The following SLC2A9 variants were observed in gnomAD, a reference collection of about 807,000 sequenced individuals.
SLC2A9 encodes solute carrier family 2 member 9.
In SLC2A9, 39 loss-of-function variants were observed where a neutral mutation model predicts 50.6. The observed-to-expected ratio is 0.77, with a 90% CI of 0.60 to 1.01. The LOEUF (loss-of-function observed/expected upper bound fraction) is 1.01, where lower values mean the gene tolerates loss of function less well. Ranked by LOEUF, SLC2A9 falls within the 50% of genes least tolerant of loss-of-function variation. The pLI is 0.00. For synonymous variants in SLC2A9, 324 were observed against 276.9 expected, an observed-to-expected ratio of 1.17 and a Z score of -1.69; for missense variants, 686 against 677.6, an observed-to-expected ratio of 1.01 and a Z score of -0.14.
chr4:9,959,395 C>CAAA (rs397973896), intron 5 of SLC2A9, among the ~76,000 whole-genome samples: 74 of 124,880 alleles, frequency 5.9e-4, no homozygotes, highest in Non-Finnish European at 8.9e-4. Flanking sequence ...AACTCTGTCT[C>CAAA]AAAAAAAAAA....
chr4:9,821,779 C>G (rs893677121), downstream of SLC2A9, among the ~76,000 whole-genome samples: 7 of 152,188 alleles, frequency 4.6e-5, no homozygotes, highest in African/African-American at 1.7e-4. Flanking sequence ...AAGCATTTCT[C>G]CCTTTTGAAT....
chr4:9,879,000 T>C (rs1734750689), intron 10 of SLC2A9: 1 of 976,074 alleles, frequency 1.0e-6, no homozygotes, highest in African/African-American at 1.8e-5. Context: ...AGGAACTTAA[T>C]GAGTATGTTT....
intron 2 of SLC2A9, among the ~76,000 whole-genome samples, chr4:10,000,070 C>T (rs1230201803): frequency 6.6e-6 from 1 of 152,018 alleles, no homozygotes; most frequent in Non-Finnish European, 1.5e-5. Context: ...AGGGGAGACA[C>T]CCTCTGCTTG....
intron 5 of SLC2A9, among the ~76,000 whole-genome samples, chr4:9,943,153 G>A (rs2110285019): frequency 6.6e-6 from 1 of 152,248 alleles, no homozygotes; most frequent in East Asian, 1.9e-4. Flanking sequence ...TCCCTACTGA[G>A]GTCCATGGTA....
intron 3 of SLC2A9, among the ~76,000 whole-genome samples, chr4:9,815,534 C>T (rs1340358048): frequency 1.3e-5 from 2 of 152,218 alleles, no homozygotes; most frequent in African/African-American, 4.8e-5. Flanking sequence ...CTTAAAGTTC[C>T]CTGGCCTGTG....
At chr4:9,884,711 C>T (rs903532082) in intron 10 of SLC2A9, among the ~76,000 whole-genome samples, 1 of 152,196 alleles carries the variant, frequency 6.6e-6, no homozygotes, top group African/African-American at 2.4e-5. Flanking sequence ...TATAAAGACA[C>T]ATGCATGCAT....
intron 3 of SLC2A9, among the ~76,000 whole-genome samples, chr4:9,780,305 A>T (rs1299336496): frequency 6.6e-6 from 1 of 152,166 alleles, no homozygotes; most frequent in African/African-American, 2.4e-5. Flanking sequence ...CTGGACAGGG[A>T]TGTCCATGGC....
chr4:9,886,897 C>T (rs1280244237), intron 10 of SLC2A9, among the ~76,000 whole-genome samples: 1 of 152,182 alleles, frequency 6.6e-6, no homozygotes, highest in African/African-American at 2.4e-5. Context: ...GATGGGGAAA[C>T]TGAGGCTAAC....
intron 6 of SLC2A9, among the ~76,000 whole-genome samples, chr4:9,930,156 C>T (rs1017893776): frequency 5.3e-5 from 8 of 152,310 alleles, no homozygotes; most frequent in African/African-American, 1.7e-4. Flanking sequence ...TTCCTCCCTT[C>T]CACCTTTCCT....
At chr4:10,008,100 C>A (rs1327951573) in intron 2 of SLC2A9, among the ~76,000 whole-genome samples, 1 of 152,264 alleles carries the variant, frequency 6.6e-6, no homozygotes, top group Non-Finnish European at 1.5e-5. Context: ...CTATCCCCAG[C>A]TCTCTGGCTG....
intron 3 of SLC2A9, among the ~76,000 whole-genome samples, chr4:9,990,630 A>C (rs1757534951): frequency 6.6e-6 from 1 of 152,092 alleles, no homozygotes; most frequent in South Asian, 2.1e-4. Context: ...TGTAATACCA[A>C]AGGGGTTGTG....
At chr4:9,914,692 C>G in intron 7 of SLC2A9, among the ~76,000 whole-genome samples, 1 of 152,026 alleles carries the variant, frequency 6.6e-6, no homozygotes, top group East Asian at 1.9e-4. Flanking sequence ...GGGATTTGAC[C>G]CCAGCAATTG....
At chr4:9,913,814 C>A (rs757822573) in intron 7 of SLC2A9, among the ~76,000 whole-genome samples, 23 of 152,214 alleles carry the variant, frequency 1.5e-4, no homozygotes, top group Non-Finnish European at 2.8e-4. Context: ...GAACTAACTG[C>A]CACTTATGAA....
chr4:9,874,451 A>G (rs1733954726), intron 10 of SLC2A9, among the ~76,000 whole-genome samples: 3 of 152,142 alleles, frequency 2.0e-5, no homozygotes, highest in Non-Finnish European at 4.4e-5. Context: ...GTGTACACCT[A>G]AGCTCTGTGC....
chr4:9,901,371 T>C (rs1048672063), intron 8 of SLC2A9, among the ~76,000 whole-genome samples: 2 of 152,174 alleles, frequency 1.3e-5, no homozygotes, highest in Non-Finnish European at 2.9e-5. Flanking sequence ...GGAAATTAAT[T>C]GAACTCAGTC....
intron 1 of SLC2A9, 39 bp from the exon 2 acceptor site, chr4:10,019,112 C>T (rs1278594204): frequency 6.5e-7 from 1 of 1,528,562 alleles, no homozygotes; most frequent in Admixed American, 2.0e-5. Context: ...CGGCACCGGG[C>T]GCGCAGCCAG....
chr4:10,005,367 A>T (rs1760601230), intron 2 of SLC2A9, among the ~76,000 whole-genome samples: 1 of 152,236 alleles, frequency 6.6e-6, no homozygotes, highest in South Asian at 2.1e-4. Context: ...GCCCAGTAGA[A>T]GGTTGGAGGC....
chr4:9,881,172 AG>A (rs939772149), intron 10 of SLC2A9, among the ~76,000 whole-genome samples: 51 of 152,226 alleles, frequency 3.4e-4, no homozygotes, highest in African/African-American at 1.2e-3. Context: ...ATATTCAGCC[AG>A]GGTTTAAAAA....
At chr4:9,936,612 T>C (rs1433360708) in intron 6 of SLC2A9, among the ~76,000 whole-genome samples, 1 of 152,178 alleles carries the variant, frequency 6.6e-6, no homozygotes, top group East Asian at 1.9e-4. Flanking sequence ...GCAGCAGGTG[T>C]CTGCTGAATG....
Sources: gnomAD v4.1 joint callset for allele counts (sites outside exome capture counted in the v4.1 genomes callset) on GRCh38, gnomAD v4.1.1 for gene constraint, MANE v1.5 for transcripts, NCBI Gene and HGNC (gene_info 2026-07-23, HGNC 2026-07-21) for gene names.